The following CELA2A variants were observed in gnomAD, a reference collection of about 807,000 sequenced individuals.
CELA2A encodes the protein chymotrypsin like elastase 2A, also known as chymotrypsin-like elastase family member 2A.
A neutral mutation model predicts 35.3 loss-of-function variants in CELA2A; 31 were observed. The ratio of observed to expected loss-of-function variants is 0.88; its 90% CI spans 0.66 to 1.19. CELA2A has a LOEUF of 1.19. Among genes scored for constraint, CELA2A ranks in the 50% most tolerant of loss-of-function variants. The probability of loss-of-function intolerance (pLI) is 0.00; values close to 1 mark genes in which losing one functional copy is unlikely to be tolerated. For synonymous variants in CELA2A, 150 were observed against 149.8 expected (o/e 1.00, Z -0.01); for missense variants, 330 against 352.9 (o/e 0.94, Z 0.52).
intron 5 of CELA2A, 54 bp downstream of exon 5, chr1:15,463,576 T>A (rs1458351230): frequency 1.4e-5 from 22 of 1,611,574 alleles, no homozygotes; most frequent in Non-Finnish European, 1.8e-5. Context: ...GTGATTCACG[T>A]CACCCCTGTC....
chr1:15,472,077 C>G lies in CELA2A; in HGVS notation c.*70C>G. On this transcript the variant is annotated 3_prime_UTR_variant, in exon 8 of 8. Coordinates refer to ENST00000359621, the MANE Select transcript of CELA2A (RefSeq NM_033440.3). ...GAAGGAAAATAATATAATAAAGTGA[C>G]AACTATGCAAATCACATCTTGATGA... 6.3e-7 allele frequency: 1 copy of G among 1,587,908 alleles called. No homozygotes were observed. Among genetic ancestry groups the G allele is most frequent in the Non-Finnish European group, 8.6e-7 (1 of 1,156,464 alleles).
In CELA2A at chr1:15,461,596, C is replaced by T; in HGVS notation, c.165C>T (p.Tyr55=). The T allele has an allele frequency of 4.3e-6, 7 of 1,612,572 alleles. No individual in the cohort carries two copies. The highest frequency in any genetic ancestry group is 5.9e-6 in the Non-Finnish European group (7 of 1,180,000). Residue 55 remains tyrosine, a synonymous_variant, in exon 3 of 8, where the codon TAC becomes TAT. Coordinates refer to ENST00000359621, the MANE Select transcript of CELA2A (RefSeq NM_033440.3). Reference sequence around the variant, plus strand: ...AGTACAGCTCCAATGGCAAGTGGTACCACACCTGCGGAGGGTCCCTGATAG... The same window carrying T: ...AGTACAGCTCCAATGGCAAGTGGTATCACACCTGCGGAGGGTCCCTGATAG... ...SLQYSSNGKW[Y]HTCGGSLIAN...
intron 2 of CELA2A, among the ~76,000 whole-genome samples, chr1:15,458,270 G>A (rs1016168734): frequency 1.3e-5 from 2 of 152,004 alleles, no homozygotes; most frequent in Non-Finnish European, 2.9e-5. Flanking sequence ...TCTGAGTTAT[G>A]AGCCCATCCA....
chr1:15,471,318 G>A (rs1312712499), intron 7 of CELA2A, among the ~76,000 whole-genome samples: 5 of 152,140 alleles, frequency 3.3e-5, no homozygotes, highest in Admixed American at 6.5e-5. Flanking sequence ...AAGCTGAGGC[G>A]AGTAGATCAC....
In CELA2A at chr1:15,467,509, G is replaced by C. The variant is rs1708536293; in HGVS notation, c.763G>C (p.Val255Leu). Residue 255 changes from valine (V) to leucine (L), a missense_variant, in exon 7 of 8, where the codon GTC becomes CTC. Transcript: ENST00000359621. The stretch of plus-strand genomic sequence containing the variant: ...CCACAAGCCCTCCGTCTTCACGCGG[G>C]TCTCCAATTACATCGACTGGATCAA... ...YYHKPSVFTR[V>L]SNYIDWINSV... 6.2e-7 allele frequency: 1 copy of C among 1,614,048 alleles called. No individual in the cohort carries two copies. Among genetic ancestry groups the C allele is most frequent in the African/African-American group, 1.3e-5 (1 of 74,932 alleles).
chr1:15,469,344 C>T (rs1051976441), intron 7 of CELA2A, among the ~76,000 whole-genome samples: 1 of 152,152 alleles, frequency 6.6e-6, no homozygotes, highest in Non-Finnish European at 1.5e-5. Context: ...GACCAGGACT[C>T]CTCCACAATT....
Position 15,463,455 on chromosome 1 carries a change from C to G in CELA2A, c.426C>G (p.Leu142=). 1 of 1,614,062 alleles carries G rather than the reference C, an allele frequency of 6.2e-7. No homozygotes were observed. Among genetic ancestry groups the G allele is most frequent in the Non-Finnish European group, 8.5e-7 (1 of 1,179,932 alleles). Residue 142 remains leucine (L), a synonymous_variant, in exon 5 of 8, where the codon CTC becomes CTG. Transcript: ENST00000359621. ...SLTDKIQLAC[L]PPAGTILPNN... ...CCGACAAGATCCAGCTGGCCTGCCT[C>G]CCTCCTGCCGGCACCATTCTACCCA... is the stretch of plus-strand genomic sequence containing the variant.
intron 2 of CELA2A, among the ~76,000 whole-genome samples, chr1:15,459,165 T>G (rs1444691177): frequency 6.9e-6 from 1 of 144,734 alleles, no homozygotes; most frequent in Non-Finnish European, 1.5e-5. Flanking sequence ...CATAGTAATT[T>G]TTTTTTTTTT....
chr1:15,464,808 C>T (rs375495407), intron 5 of CELA2A, among the ~76,000 whole-genome samples: 9 of 152,190 alleles, frequency 5.9e-5, no homozygotes, highest in Non-Finnish European at 7.4e-5. Context: ...CTTGGCTTTT[C>T]GGCCCAGCTC....
At position 15,463,494 on chromosome 1, in the gene CELA2A, C is replaced by T. The variant is rs1453745712; in HGVS notation, c.465C>T (p.Cys155=). The T allele has an allele frequency of 6.2e-7, 1 of 1,614,002 alleles. No individual in the cohort carries two copies. Among genetic ancestry groups the T allele is most frequent in the South Asian group, 1.1e-5 (1 of 91,080 alleles). Residue 155 remains cysteine, a synonymous_variant, in exon 5 of 8, where the codon TGC becomes TGT. Transcript: ENST00000359621. Reference sequence around the variant, plus strand: ...CCATTCTACCCAACAACTACCCCTGCTACGTCACGGGCTGGGGAAGGCTGC... The same window carrying T: ...CCATTCTACCCAACAACTACCCCTGTTACGTCACGGGCTGGGGAAGGCTGC... ...AGTILPNNYP[C]YVTGWGRLQT... is the part of the protein sequence containing the mutation.
chr1:15,459,336 T>TC (rs1180107057), intron 2 of CELA2A, among the ~76,000 whole-genome samples: 2 of 95,980 alleles, frequency 2.1e-5, no homozygotes, highest in East Asian at 8.5e-4. Context: ...TTAAGTTTCT[T>TC]TTTTTTTTTT....
At chr1:15,462,922 C>T (rs1393211908) in intron 4 of CELA2A, 61 bp downstream of exon 4, 72 of 1,609,838 alleles carry the variant, frequency 4.5e-5, no homozygotes, top group Non-Finnish European at 5.6e-5. Flanking sequence ...GGGGGTCTCA[C>T]AGAGGCAAGG....
intron 7 of CELA2A, among the ~76,000 whole-genome samples, chr1:15,470,821 T>C (rs944634306): frequency 9.2e-5 from 14 of 152,166 alleles, no homozygotes; most frequent in Non-Finnish European, 1.5e-4. Context: ...CCTCAGGTGA[T>C]CTGCCCGCCT....
At chr1:15,462,984 G>C (rs1371389080) in intron 4 of CELA2A, 123 bp downstream of exon 4, 2 of 1,400,478 alleles carry the variant, frequency 1.4e-6, no homozygotes, top group Non-Finnish European at 2.0e-6. Context: ...GGGGGAAGGA[G>C]CTCTGGCCTC....
chr1:15,458,258 A>G (rs1006174172), intron 2 of CELA2A, among the ~76,000 whole-genome samples: 1 of 152,120 alleles, frequency 6.6e-6, no homozygotes, highest in Non-Finnish European at 1.5e-5. Flanking sequence ...TTCACAAAGC[A>G]ATCTGAGTTA....
At chr1:15,471,185 G>C (rs1397717578) in intron 7 of CELA2A, among the ~76,000 whole-genome samples, 1 of 152,184 alleles carries the variant, frequency 6.6e-6, no homozygotes, top group Non-Finnish European at 1.5e-5. Flanking sequence ...ACACTGGTCT[G>C]AGTATTTGTG....
At chr1:15,467,075 A>G (rs1012552763) in intron 6 of CELA2A, among the ~76,000 whole-genome samples, 1 of 152,198 alleles carries the variant, frequency 6.6e-6, no homozygotes, top group African/African-American at 2.4e-5. Flanking sequence ...ACCTTGGGCA[A>G]GTCCCAACCT....
At chr1:15,468,261 A>C (rs985045013) in intron 7 of CELA2A, among the ~76,000 whole-genome samples, 2 of 152,086 alleles carry the variant, frequency 1.3e-5, no homozygotes, top group Non-Finnish European at 2.9e-5. Flanking sequence ...AAATTAGTCC[A>C]CCTCAGGGGT....
At position 15,467,383 on chromosome 1, in the gene CELA2A, C is replaced by T; in HGVS notation, c.640-3C>T. ...ACCTGCCTATAACTCTGGCCTTCCT[C>T]AGGGAGACTCTGGCGGGCCACTGAA... On this transcript the variant is annotated splice_polypyrimidine_tract_variant and splice_region_variant and intron_variant, in intron 6 of 7. Transcript: ENST00000359621. The T allele has an allele frequency of 6.2e-7, 1 of 1,612,872 alleles. No homozygotes were observed. The highest frequency in any genetic ancestry group is 8.5e-7 in the Non-Finnish European group (1 of 1,179,992).
Sources: allele counts gnomAD v4.1 joint callset (sites outside exome capture counted in the v4.1 genomes callset), GRCh38; gene constraint gnomAD v4.1.1; transcripts MANE v1.5; gene names NCBI Gene and HGNC (gene_info 2026-07-23, HGNC 2026-07-21).